The following CTDSPL2 variants were observed in gnomAD, a reference collection of about 807,000 sequenced individuals.
The protein encoded by CTDSPL2 is CTD small phosphatase-like protein 2.
Under a neutral mutation model 60.0 loss-of-function variants are expected in CTDSPL2, and 5 were observed. The ratio of observed to expected loss-of-function variants is 0.08; its 90% CI spans 0.04 to 0.18. The LOEUF is 0.18. Among genes scored for constraint, CTDSPL2 ranks in the 10% least tolerant of loss-of-function variants. The pLI, the probability that CTDSPL2 is intolerant of heterozygous loss-of-function variation, is 1.00. For synonymous variants in CTDSPL2, 186 were observed against 189.3 expected, an observed-to-expected ratio of 0.98 and a Z score of 0.14; for missense variants, 370 against 548.8, an observed-to-expected ratio of 0.67 and a Z score of 3.26.
Position 44,507,441 on chromosome 15 carries a change from A to C in CTDSPL2, c.970-7157A>C, listed in dbSNP as rs139523637. The stretch of plus-strand genomic sequence containing the variant: ...TTTTGTTTTTATTTTTATTGGTTTT[A>C]GTGTTTACCTATTCATCCCAAATTT... On this transcript the variant is annotated intron_variant, in intron 8 of 12. Transcript: ENST00000260327. Among the ~76,000 whole-genome samples the C allele has an allele frequency of 2.6e-4, 39 of 152,112 alleles. No individual in the cohort carries two copies. The East Asian group carries it at 6.9e-3, about 27-fold the overall frequency.
In CTDSPL2 at chr15:44,460,180, C is replaced by T. The variant is rs144377070; in HGVS notation, c.186+980C>T. On this transcript the variant is annotated intron_variant, in intron 2 of 12. Transcript: ENST00000260327. ...GGCTGGAGTGCAGTGGCGCATTCTC[C>T]GCTCACTGCAACCTCTGCCTCCCGA... Among the ~76,000 whole-genome samples the T allele has an allele frequency of 2.4e-3, 366 of 152,160 alleles. 14 individuals carry two copies. The East Asian group carries it at 0.057, about 24-fold the overall frequency.
chr15:44,451,837 C>A (rs563466484), intron 1 of CTDSPL2, among the ~76,000 whole-genome samples: 7 of 152,172 alleles, frequency 4.6e-5, no homozygotes, highest in South Asian at 4.1e-4. Flanking sequence ...AATATTTTTG[C>A]TTTTACTTTT....
At chr15:44,498,848 T>C (rs1369881110) in intron 7 of CTDSPL2, among the ~76,000 whole-genome samples, 4 of 151,796 alleles carry the variant, frequency 2.6e-5, no homozygotes, top group African/African-American at 9.7e-5. Flanking sequence ...GCAGTGAACC[T>C]AGATCATCTG....
intron 2 of CTDSPL2, among the ~76,000 whole-genome samples, chr15:44,477,701 G>C (rs1456518267): frequency 6.6e-6 from 1 of 151,336 alleles, no homozygotes; most frequent in Non-Finnish European, 1.5e-5. Context: ...AGCTGGGCAT[G>C]GTGGCGCATG....
chr15:44,460,769 TAA>T (rs1249902729), intron 2 of CTDSPL2, among the ~76,000 whole-genome samples: 2 of 152,306 alleles, frequency 1.3e-5, no homozygotes, highest in Non-Finnish European at 2.9e-5. Flanking sequence ...TTAGAAATTT[TAA>T]AAAGTTTCTG....
At chr15:44,506,673 C>T (rs752005744) in intron 8 of CTDSPL2, among the ~76,000 whole-genome samples, 4 of 152,020 alleles carry the variant, frequency 2.6e-5, no homozygotes, top group African/African-American at 4.8e-5. Context: ...GTTCAGACTC[C>T]CAAAGTGCTG....
In CTDSPL2 at chr15:44,524,836, A is replaced by G. The variant is rs902246624; in HGVS notation, c.*662A>G. The G allele has an allele frequency of 2.6e-5, 4 of 152,672 alleles. No individual in the cohort carries two copies. Among genetic ancestry groups the G allele is most frequent in the African/African-American group, 9.6e-5 (4 of 41,462 alleles). The allele number at this position is 152,672 out of a possible 1,614,324, so 9.5% of individuals were successfully genotyped here. A position where few individuals can be genotyped will look rare whatever the true frequency, so the allele number is the denominator to read the frequency against. On this transcript the variant is annotated 3_prime_UTR_variant, in exon 13 of 13. Coordinates refer to ENST00000260327, the MANE Select transcript of CTDSPL2 (RefSeq NM_016396.3). The stretch of plus-strand genomic sequence containing the variant: ...TAAAAATATTCTCTACTTTTAGTCT[A>G]TGTAAGTTTCATTTAGAAAGACATG...
intron 5 of CTDSPL2, among the ~76,000 whole-genome samples, chr15:44,495,339 T>G (rs935463407): frequency 2.0e-5 from 3 of 151,510 alleles, no homozygotes; most frequent in African/African-American, 7.3e-5. Context: ...TTCTAGCACT[T>G]TGGGAGGCCG....
At chr15:44,501,687 G>A (rs1461564397) in intron 8 of CTDSPL2, among the ~76,000 whole-genome samples, 1 of 152,132 alleles carries the variant, frequency 6.6e-6, no homozygotes, top group Non-Finnish European at 1.5e-5. Flanking sequence ...CTAAATGAGA[G>A]CACAGAGCAG....
intron 1 of CTDSPL2, among the ~76,000 whole-genome samples, chr15:44,451,760 A>C (rs997868596): frequency 6.6e-6 from 1 of 152,232 alleles, no homozygotes; most frequent in Non-Finnish European, 1.5e-5. Context: ...AAAAAAATCT[A>C]TGAAATTTAT....
At chr15:44,429,016 A>G (rs907384464) in intron 1 of CTDSPL2, among the ~76,000 whole-genome samples, 1 of 152,192 alleles carries the variant, frequency 6.6e-6, no homozygotes, top group Non-Finnish European at 1.5e-5. Context: ...AATCAAATTA[A>G]AATTTTAAAA....
At chr15:44,470,913 C>T (rs2080795599) in intron 2 of CTDSPL2, among the ~76,000 whole-genome samples, 1 of 152,006 alleles carries the variant, frequency 6.6e-6, no homozygotes, top group East Asian at 1.9e-4. Context: ...TATTTATCCT[C>T]CTATATCCTA....
intron 2 of CTDSPL2, among the ~76,000 whole-genome samples, chr15:44,483,059 G>A (rs1203658575): frequency 1.3e-5 from 2 of 152,098 alleles, no homozygotes; most frequent in Non-Finnish European, 2.9e-5. Flanking sequence ...AGGAGTTCGA[G>A]ACCAGCCTGA....
intron 8 of CTDSPL2, among the ~76,000 whole-genome samples, chr15:44,501,646 C>G (rs2081383750): frequency 6.6e-6 from 1 of 152,122 alleles, no homozygotes; most frequent in African/African-American, 2.4e-5. Flanking sequence ...CTGAGTTACA[C>G]TTTCTGAAAC....
chr15:44,524,224 T>A lies in CTDSPL2; in HGVS notation c.*50T>A, dbSNP rs1251267426. The stretch of plus-strand genomic sequence containing the variant: ...AAGGGGGAGAGAATGCAGGACCCTT[T>A]TGGACTAAGACAAAAACATTGCCAT... On this transcript the variant is annotated 3_prime_UTR_variant, in exon 13 of 13. Transcript: ENST00000260327. 1.4e-6 allele frequency: 2 copies of A among 1,478,378 alleles called. No homozygotes were observed. Among genetic ancestry groups the A allele is most frequent in the Non-Finnish European group, 1.9e-6 (2 of 1,058,798 alleles). The allele number at this position is 1,478,378 out of a possible 1,614,324, so 91.6% of individuals were successfully genotyped here.
intron 2 of CTDSPL2, among the ~76,000 whole-genome samples, chr15:44,475,554 G>T (rs1442034470): frequency 2.6e-5 from 4 of 151,480 alleles, no homozygotes; most frequent in African/African-American, 9.7e-5. Flanking sequence ...CAGGAGAATC[G>T]CTTGAACGTG....
intron 1 of CTDSPL2, among the ~76,000 whole-genome samples, chr15:44,444,836 GTTTTTTTTTTTTTTTTT>G (rs35160726): frequency 2.9e-5 from 2 of 69,604 alleles, no homozygotes; most frequent in African/African-American, 6.1e-5. Context: ...ATGGAATGTA[GTTTTTTTTTTTTTTTTT>G]TTTTTTTTTT....
intron 4 of CTDSPL2, 22 bp from the exon 5 acceptor site, chr15:44,490,762 G>A (rs1567090092): frequency 6.3e-7 from 1 of 1,583,860 alleles, no homozygotes; most frequent in African/African-American, 1.3e-5. Context: ...AATGATGATA[G>A]TACACTGAAT....
chr15:44,471,847 C>T (rs1012150275), intron 2 of CTDSPL2, among the ~76,000 whole-genome samples: 1 of 151,932 alleles, frequency 6.6e-6, no homozygotes, highest in East Asian at 1.9e-4. Context: ...TTGGACATTT[C>T]ATGTAAATGA....
Sources: gnomAD v4.1 joint callset for allele counts (sites outside exome capture counted in the v4.1 genomes callset) on GRCh38, gnomAD v4.1.1 for gene constraint, MANE v1.5 for transcripts, NCBI Gene and HGNC (gene_info 2026-07-23, HGNC 2026-07-21) for gene names.